The following HIVEP1 variants were observed in gnomAD, a reference collection of about 807,000 sequenced individuals.
HIVEP1 encodes zinc finger protein 40.
In HIVEP1, 36 loss-of-function variants were observed where a neutral mutation model predicts 180.0. That is an observed-to-expected ratio of 0.20 (90% CI 0.15 to 0.26). The LOEUF is 0.26. HIVEP1 is among the 10% of genes least tolerant of loss of function. The probability of loss-of-function intolerance (pLI) is 1.00; values close to 1 mark genes in which losing one functional copy is unlikely to be tolerated. For missense variants in HIVEP1, 3,143 were observed against 3,268.7 expected (o/e 0.96, Z 0.94); for synonymous variants, 1,239 against 1,239.0 (o/e 1.00, Z 0.00).
intron 1 of HIVEP1, 56 bp downstream of exon 1, chr6:12,012,622 A>G (rs868654326): frequency 7.8e-4 from 72 of 91,934 alleles, no homozygotes; most frequent in East Asian, 9.8e-4. Context: ...GGCGGGGCGG[A>G]GGGGGGGGGG....
intron 2 of HIVEP1, among the ~76,000 whole-genome samples, chr6:12,020,893 T>TCTTTC (rs1471836400): frequency 7.5e-6 from 1 of 134,124 alleles, no homozygotes; most frequent in South Asian, 2.4e-4. Flanking sequence ...TTTCTTTCTT[T>TCTTTC]TTTTTTTTTT....
rs1237033144 is a variant in HIVEP1 at position 12,120,439 on chromosome 6, C to T, written c.644C>T (p.Ser215Leu). The change falls in exon 4 of 9, where the codon TCA becomes TTA. Residue 215 changes from serine to leucine, a missense_variant. By Grantham distance (145) the Ser-to-Leu change is moderately radical. This residue lies in a region of HIVEP1 where 306 missense variants were observed against 310.6 expected (regional missense o/e 0.99). Coordinates refer to ENST00000379388, the MANE Select transcript of HIVEP1 (RefSeq NM_002114.4). ...CTGAGCACCTTGTCACAAAAGGGCTCACCTTGTGCAATTAAGACAGAAAAA... is the reference window on the plus strand; with the variant it reads ...CTGAGCACCTTGTCACAAAAGGGCTTACCTTGTGCAATTAAGACAGAAAAA... The part of the protein sequence containing the change: ...PELSTLSQKG[S>L]PCAIKTEKLR... 1.2e-6 allele frequency: 2 copies of T among 1,614,150 alleles called. No individual in the cohort carries two copies. The highest frequency in any genetic ancestry group is 1.1e-5 in the South Asian group (1 of 91,070).
chr6:12,090,235 A>G (rs1581661841), intron 3 of HIVEP1, among the ~76,000 whole-genome samples: 1 of 152,162 alleles, frequency 6.6e-6, no homozygotes, highest in South Asian at 2.1e-4. Context: ...TCTCTTTATG[A>G]CATTTGTATT....
At chr6:12,036,682 TCA>T (rs1769295370) in intron 2 of HIVEP1, among the ~76,000 whole-genome samples, 1 of 152,120 alleles carries the variant, frequency 6.6e-6, no homozygotes, top group African/African-American at 2.4e-5. Flanking sequence ...AGCAGGTGGA[TCA>T]CCTGAGGTCA....
chr6:12,125,891 C>G, intron 4 of HIVEP1, 21 bp downstream of exon 4: 1 of 1,465,972 alleles, frequency 6.8e-7, no homozygotes, highest in Non-Finnish European at 9.3e-7. Context: ...TATAATTTAT[C>G]TTCAGATATG....
At chr6:12,018,369 C>A (rs1398029994) in intron 2 of HIVEP1, among the ~76,000 whole-genome samples, 2 of 152,232 alleles carry the variant, frequency 1.3e-5, no homozygotes, top group East Asian at 3.9e-4. Context: ...TCCTCAAGCG[C>A]GGCCAGAGTG....
Position 12,112,691 on chromosome 6 carries a change from C to T in HIVEP1, c.95-7199C>T, listed in dbSNP as rs148019469. ...GAGTCCCTGCCCACCTCCTCACCGC[C>T]CCCCTAGCAGTGGGCTGCTGCTGCT... On this transcript the variant is annotated intron_variant, in intron 3 of 8. Transcript: ENST00000379388. Among the ~76,000 whole-genome samples the T allele has an allele frequency of 1.8e-3, 279 of 152,218 alleles. 3 individuals are homozygous for T. The highest frequency in any genetic ancestry group is 0.012 in the South Asian group (58 of 4,812).
chr6:12,142,938 T>C (rs948390342), intron 7 of HIVEP1, among the ~76,000 whole-genome samples: 1 of 152,154 alleles, frequency 6.6e-6, no homozygotes, highest in African/African-American at 2.4e-5. Flanking sequence ...GATTTACAGC[T>C]GAATTCTACC....
chr6:12,090,735 C>CTTTTTTTTTT (rs35266647), intron 3 of HIVEP1, among the ~76,000 whole-genome samples: 7 of 82,438 alleles, frequency 8.5e-5, no homozygotes, highest in African/African-American at 1.9e-4. Flanking sequence ...TATAGCCAGC[C>CTTTTTTTTTT]TTTTTTTTTT....
intron 2 of HIVEP1, among the ~76,000 whole-genome samples, chr6:12,044,156 G>C (rs574900719): frequency 1.6e-3 from 237 of 152,184 alleles, no homozygotes; most frequent in Non-Finnish European, 5.0e-4. Flanking sequence ...CGGCGCAAAT[G>C]GGTTTCTGGG....
chr6:12,176,551 G>C, the HIVEP1 span, among the ~76,000 whole-genome samples: 7 of 152,032 alleles, frequency 4.6e-5, no homozygotes, highest in African/African-American at 1.7e-4. Context: ...TATGTTTTTA[G>C]GAGCCGTTGG....
chr6:12,167,656 T>TATATATACATGTTATATTACATG (rs1196803171), downstream of HIVEP1, among the ~76,000 whole-genome samples: 6 of 109,018 alleles, frequency 5.5e-5, no homozygotes, highest in African/African-American at 2.0e-4. Flanking sequence ...CATATATATG[T>TATATATACATGTTATATTACATG]TATATATACA....
chr6:12,017,841 C>G (rs949067842), intron 2 of HIVEP1, among the ~76,000 whole-genome samples: 1 of 152,254 alleles, frequency 6.6e-6, no homozygotes, highest in Non-Finnish European at 1.5e-5. Context: ...CAGGTCCCCA[C>G]TAGACTCAGG....
At chr6:12,192,500 C>T in the HIVEP1 span, among the ~76,000 whole-genome samples, 1 of 152,060 alleles carries the variant, frequency 6.6e-6, no homozygotes, top group South Asian at 2.1e-4. Context: ...CCCAGTGTTG[C>T]GGGAGGGACC....
chr6:12,166,193 AC>A (rs1293001888), downstream of HIVEP1, among the ~76,000 whole-genome samples: 2 of 152,168 alleles, frequency 1.3e-5, no homozygotes, highest in African/African-American at 4.8e-5. Context: ...TGTGTCATGA[AC>A]TTTTTATTGC....
chr6:12,072,019 C>A (rs1459435291), intron 2 of HIVEP1, among the ~76,000 whole-genome samples: 1 of 151,614 alleles, frequency 6.6e-6, no homozygotes, highest in Non-Finnish European at 1.5e-5. Context: ...TTGTAAGGCA[C>A]AAGATAGTAA....
chr6:12,088,856 C>G (rs905837490), intron 2 of HIVEP1, among the ~76,000 whole-genome samples: 4 of 152,014 alleles, frequency 2.6e-5, no homozygotes, highest in Non-Finnish European at 5.9e-5. Context: ...CTATTAGGTA[C>G]TTTGTATGTA....
chr6:12,055,380 G>T (rs976746178), intron 2 of HIVEP1, among the ~76,000 whole-genome samples: 4 of 152,156 alleles, frequency 2.6e-5, no homozygotes, highest in Non-Finnish European at 4.4e-5. Context: ...GGCTGAGGCA[G>T]GAGAACCCCT....
In HIVEP1 at chr6:12,114,520, C is replaced by A. The variant is rs1402779658; in HGVS notation, c.95-5370C>A. Among the ~76,000 whole-genome samples, 3 of 152,040 alleles carry A rather than the reference C, an allele frequency of 2.0e-5. 1 individual carries two copies. Among genetic ancestry groups the A allele is most frequent in the Middle Eastern group, 6.3e-3 (2 of 316 alleles). ...AGACCTCCCCTCTCCACAGCATATTCTCTTTGGCTTATCATTTATGTCCTT... is the reference window on the plus strand; with the variant it reads ...AGACCTCCCCTCTCCACAGCATATTATCTTTGGCTTATCATTTATGTCCTT... On this transcript the variant is annotated intron_variant, in intron 3 of 8. Coordinates refer to ENST00000379388, the MANE Select transcript of HIVEP1 (RefSeq NM_002114.4).
Sources: gnomAD v4.1 joint callset for allele counts (sites outside exome capture counted in the v4.1 genomes callset) on GRCh38, gnomAD v4.1.1 for gene constraint, gnomAD v4.1.1 regional missense constraint, MANE v1.5 for transcripts, NCBI Gene and HGNC (gene_info 2026-07-23, HGNC 2026-07-21) for gene names.